The following ASAH2 variants were observed in gnomAD, a reference collection of about 807,000 sequenced individuals.
The protein encoded by ASAH2 is N-acylsphingosine amidohydrolase 2.
In ASAH2, 58 loss-of-function variants were observed where a neutral mutation model predicts 82.9. That is an observed-to-expected ratio of 0.70 (90% CI 0.57 to 0.87). ASAH2 has a LOEUF of 0.87. Ranked by LOEUF, ASAH2 falls within the 40% of genes least tolerant of loss-of-function variation. The pLI is 0.00. For synonymous variants in ASAH2, 276 were observed against 289.7 expected (o/e 0.95, Z 0.48); for missense variants, 779 against 834.0 (o/e 0.93, Z 0.81).
At chr10:50,206,738 G>A (rs924117763) in intron 12 of ASAH2, among the ~76,000 whole-genome samples, 6 of 151,782 alleles carry the variant, frequency 4.0e-5, no homozygotes, top group Admixed American at 1.3e-4. Flanking sequence ...AATGAAGAAA[G>A]AAATACACAT....
At chr10:50,197,243 T>G (rs1845011529) in intron 17 of ASAH2, among the ~76,000 whole-genome samples, 2 of 151,756 alleles carry the variant, frequency 1.3e-5, no homozygotes, top group Non-Finnish European at 2.9e-5. Context: ...GGGCCTAACA[T>G]GCAAAAAGGT....
chr10:50,231,316 A>G (rs2133222929), intron 7 of ASAH2, among the ~76,000 whole-genome samples: 1 of 152,098 alleles, frequency 6.6e-6, no homozygotes, highest in East Asian at 1.9e-4. Context: ...CTCTGGCCTT[A>G]TGGCTCTGTA....
intron 18 of ASAH2, among the ~76,000 whole-genome samples, chr10:50,194,879 A>G (rs1844933216): frequency 6.6e-6 from 1 of 151,670 alleles, no homozygotes. Context: ...AAGGAAATAT[A>G]AAAATTAACT....
At chr10:50,237,248 C>A (rs1279694609) in intron 4 of ASAH2, among the ~76,000 whole-genome samples, 1 of 152,138 alleles carries the variant, frequency 6.6e-6, no homozygotes, top group Non-Finnish European at 1.5e-5. Flanking sequence ...TAGAGGATGC[C>A]ATCCACTGTG....
At chr10:50,220,475 C>G (rs1029436964) in intron 7 of ASAH2, among the ~76,000 whole-genome samples, 1 of 113,008 alleles carries the variant, frequency 8.8e-6, no homozygotes, top group Non-Finnish European at 1.9e-5. Flanking sequence ...TGTCCTTTGC[C>G]GGAACATAGA....
intron 9 of ASAH2, among the ~76,000 whole-genome samples, chr10:50,214,310 C>T (rs1337443269): frequency 1.3e-5 from 2 of 152,102 alleles, no homozygotes; most frequent in Non-Finnish European, 2.9e-5. Context: ...TGAATTTTTA[C>T]AGCAATTTTT....
intron 7 of ASAH2, among the ~76,000 whole-genome samples, chr10:50,222,230 A>G (rs1367638065): frequency 2.6e-5 from 4 of 152,218 alleles, no homozygotes; most frequent in African/African-American, 9.6e-5. Flanking sequence ...AATGGTAACT[A>G]TGGAGAAAGC....
intron 12 of ASAH2, among the ~76,000 whole-genome samples, chr10:50,208,925 G>A (rs956449616): frequency 2.0e-5 from 3 of 152,176 alleles, no homozygotes; most frequent in East Asian, 1.9e-4. Context: ...ACCAAGAGAC[G>A]GTTATACTGG....
intron 8 of ASAH2, among the ~76,000 whole-genome samples, chr10:50,217,003 G>T (rs1244422290): frequency 3.3e-5 from 5 of 152,264 alleles, no homozygotes. Context: ...GATCTCCATT[G>T]TGGCATTGCT....
intron 4 of ASAH2, chr10:50,240,430 C>T: frequency 1.4e-6 from 1 of 701,622 alleles, no homozygotes; most frequent in South Asian, 1.5e-5. Flanking sequence ...TAATTTTTGT[C>T]CTCACTTCTA....
At chr10:50,245,115 TA>T in intron 3 of ASAH2, 106 bp downstream of exon 3, 1 of 1,020,852 alleles carries the variant, frequency 9.8e-7, no homozygotes, top group Non-Finnish European at 1.5e-6. Context: ...ATTAAAAAGC[TA>T]AAAGAAGATA....
At chr10:50,239,005 G>T (rs1846228161) in intron 4 of ASAH2, among the ~76,000 whole-genome samples, 1 of 152,122 alleles carries the variant, frequency 6.6e-6, no homozygotes, top group Non-Finnish European at 1.5e-5. Context: ...TGAAAGGAGG[G>T]TATTTTAACA....
At chr10:50,248,101 A>C (rs1846519112) in intron 2 of ASAH2, among the ~76,000 whole-genome samples, 2 of 152,340 alleles carry the variant, frequency 1.3e-5, no homozygotes. Flanking sequence ...ACATTCATTC[A>C]GTGAGTCTTT....
At chr10:50,221,703 GATAGATA>G (rs1564842571) in intron 7 of ASAH2, among the ~76,000 whole-genome samples, 579 of 20,440 alleles carry the variant, frequency 0.028, 2 homozygotes, top group South Asian at 0.045. Flanking sequence ...TGGATGGATA[GATAGATA>G]GATAGATAGA....
Position 50,187,118 on chromosome 10 carries a change from TCACACA to T in ASAH2, c.*191_*196del, listed in dbSNP as rs1171385681. On this transcript the variant is annotated 3_prime_UTR_variant, in exon 21 of 21. Transcript: ENST00000682911. ...CTCTCTCTCTCTCTCTCTCTCTCTC[TCACACA>T]CACACACACACACACACACACACAC... The T allele has an allele frequency of 0.077, 11,693 of 152,042 alleles. 80 individuals carry two copies. The highest frequency in any genetic ancestry group is 0.097 in the South Asian group (1,842 of 19,006). 9.4% of individuals were successfully genotyped at this position (152,042 alleles called of 1,614,324 possible).
chr10:50,218,388 A>C (rs2133212745), intron 8 of ASAH2, 122 bp downstream of exon 8: 1 of 1,371,834 alleles, frequency 7.3e-7, no homozygotes, highest in East Asian at 2.3e-5. Context: ...ATTCAAGCAT[A>C]CCAATATGTG....
At chr10:50,197,959 CA>C (rs1363420134) in intron 17 of ASAH2, among the ~76,000 whole-genome samples, 1 of 151,382 alleles carries the variant, frequency 6.6e-6, no homozygotes, top group Non-Finnish European at 1.5e-5. Context: ...AACAGTTATT[CA>C]AAAAAAGTAA....
Position 50,233,237 on chromosome 10 carries a change from T to C in ASAH2, c.840A>G (p.Glu280=). 1 of 1,611,706 alleles carries C rather than the reference T, an allele frequency of 6.2e-7. No homozygotes were observed. The highest frequency in any genetic ancestry group is 8.5e-7 in the Non-Finnish European group (1 of 1,178,054). Residue 280 remains glutamate (E), a synonymous_variant, in exon 7 of 21, where the codon GAA becomes GAG. Coordinates refer to ENST00000682911, the MANE Select transcript of ASAH2 (RefSeq NM_019893.4). Reference sequence around the variant, plus strand: ...AATCTACCATTTTCAAAACTATCATTTCCTTGTCTGTATTTGAAGAATACC... The same window carrying C: ...AATCTACCATTTTCAAAACTATCATCTCCTTGTCTGTATTTGAAGAATACC... ...RARYSSNTDK[E]MIVLKMVDLN...
intron 7 of ASAH2, among the ~76,000 whole-genome samples, chr10:50,231,588 T>C (rs538100860): frequency 2.3e-3 from 349 of 152,268 alleles, no homozygotes; most frequent in African/African-American, 8.0e-3. Context: ...AAACTTGCCT[T>C]ATTCATCATA....
Sources: allele counts gnomAD v4.1 joint callset (sites outside exome capture counted in the v4.1 genomes callset), GRCh38; gene constraint gnomAD v4.1.1; transcripts MANE v1.5; gene names NCBI Gene and HGNC (gene_info 2026-07-23, HGNC 2026-07-21).